SNX22: variants seen among roughly 807,000 people sequenced by gnomAD.
SNX22 encodes sorting nexin-22.
Under a neutral mutation model 24.7 loss-of-function variants are expected in SNX22, and 23 were observed. The ratio of observed to expected loss-of-function variants is 0.93; its 90% CI spans 0.67 to 1.32. The LOEUF (loss-of-function observed/expected upper bound fraction) is 1.32, where lower values mean the gene tolerates loss of function less well. Among genes scored for constraint, SNX22 ranks in the 40% most tolerant of loss-of-function variants. SNX22 has a pLI of 0.00. For missense variants in SNX22, 261 were observed against 249.9 expected (o/e 1.04, Z -0.30); for synonymous variants, 99 against 104.0 (o/e 0.95, Z 0.29).
In SNX22 at chr15:64,157,345, C is replaced by T. The variant is rs1221374728; in HGVS notation, c.*2837C>T. ...CCTGTTTTCCTATGAGCACAAAAGA[C>T]ACAGGCATAGCTGCAGAGGAGAAAG... On this transcript the variant is annotated 3_prime_UTR_variant, in exon 7 of 7. Transcript: ENST00000325881. This position sits in a 1 kb window ranked among gnomAD's most constrained non-coding sequence, Gnocchi z 4.2. The T allele has an allele frequency of 4.9e-6, 1 of 204,622 alleles. No homozygotes were observed. The highest frequency in any genetic ancestry group is 2.3e-5 in the African/African-American group (1 of 43,446). 12.7% of individuals were successfully genotyped at this position (204,622 alleles called of 1,614,324 possible). A position where few individuals can be genotyped will look rare whatever the true frequency, so the allele number is the denominator to read the frequency against.
chr15:64,152,361 C>T (rs1459962444), intron 2 of SNX22, 35 bp downstream of exon 2: 21 of 1,490,768 alleles, frequency 1.4e-5, no homozygotes, highest in Non-Finnish European at 1.9e-5. Flanking sequence ...GGCCCCGGCC[C>T]AGCCTCTGTC....
intron 6 of SNX22, 138 bp from the exon 7 acceptor site, chr15:64,154,249 G>GC: frequency 6.3e-7 from 1 of 1,578,872 alleles, no homozygotes; most frequent in Non-Finnish European, 8.6e-7. Flanking sequence ...CTGGGAATGC[G>GC]GAGGCTTCAT....
rs1555495907 is a variant in SNX22, at chr15:64,155,820, T to TTA, written c.*1312_*1313insTA. On this transcript the variant is annotated 3_prime_UTR_variant, in exon 7 of 7. Coordinates refer to ENST00000325881, the MANE Select transcript of SNX22 (RefSeq NM_024798.3). ...AGAACCAGGCCCACACATTATATAT[T>TTA]AAAAAAAAAAAAACCCACATTTTTT... 752 of 531,556 alleles carry TTA rather than the reference T, an allele frequency of 1.4e-3. No individual in the cohort carries two copies. Among genetic ancestry groups the TTA allele is most frequent in the Middle Eastern group, 2.7e-3 (5 of 1,846 alleles). The allele number at this position is 531,556 out of a possible 1,614,324, so 32.9% of individuals were successfully genotyped here.
intron 3 of SNX22, 149 bp from the exon 4 acceptor site, chr15:64,153,096 G>A: frequency 2.1e-6 from 2 of 938,026 alleles, no homozygotes; most frequent in African/African-American, 1.7e-5. Flanking sequence ...AGCGCCCAGC[G>A]CCCAGAAGGG....
rs1033339346 is a variant in SNX22, at chr15:64,155,816, A to G, written c.*1308A>G. ...CTCAAGAACCAGGCCCACACATTATATATTAAAAAAAAAAAAACCCACATT... is the reference window on the plus strand; with the variant it reads ...CTCAAGAACCAGGCCCACACATTATGTATTAAAAAAAAAAAAACCCACATT... On this transcript the variant is annotated 3_prime_UTR_variant, in exon 7 of 7. Transcript: ENST00000325881. 4.0e-5 allele frequency: 22 copies of G among 544,776 alleles called. No homozygotes were observed. In the African/African-American group the frequency reaches 4.4e-4, roughly 11 times the overall value. The allele number at this position is 544,776 out of a possible 1,614,324, so 33.7% of individuals were successfully genotyped here. A position where few individuals can be genotyped will look rare whatever the true frequency, so the allele number is the denominator to read the frequency against.
In SNX22 at chr15:64,156,944, G is replaced by C; in HGVS notation, c.*2436G>C. 1 of 1,607,654 alleles carries C rather than the reference G, an allele frequency of 6.2e-7. No individual in the cohort carries two copies. The highest frequency in any genetic ancestry group is 2.2e-5 in the East Asian group (1 of 44,806). The stretch of plus-strand genomic sequence containing the variant: ...AAGACAGAGCAGGTCAGGGGCGCTG[G>C]ATTGCGCCAAACCAAGCAGACATTC... On this transcript the variant is annotated 3_prime_UTR_variant, in exon 7 of 7. Transcript: ENST00000325881. This position sits in a 1 kb window ranked among gnomAD's most constrained non-coding sequence, Gnocchi z 6.4.
intron 5 of SNX22, 59 bp downstream of exon 5, chr15:64,153,743 G>C: frequency 6.2e-7 from 1 of 1,612,266 alleles, no homozygotes. Context: ...CCATATGCTA[G>C]GAGGCAGGCC....
At chr15:64,154,096 T>C (rs767800361) in intron 6 of SNX22, 94 bp downstream of exon 6, 1 of 1,612,038 alleles carries the variant, frequency 6.2e-7, no homozygotes, top group East Asian at 2.2e-5. Flanking sequence ...TCCTTCCTGC[T>C]GCCCACCTCT....
Position 64,156,535 on chromosome 15 carries a change from A to C in SNX22, c.*2027A>C, listed in dbSNP as rs899749857. The C allele has an allele frequency of 1.3e-6, 1 of 757,378 alleles. No homozygotes were observed. The highest frequency in any genetic ancestry group is 1.7e-5 in the African/African-American group (1 of 58,226). The allele number at this position is 757,378 out of a possible 1,614,324, so 46.9% of individuals were successfully genotyped here. A position where few individuals can be genotyped will look rare whatever the true frequency, so the allele number is the denominator to read the frequency against. On this transcript the variant is annotated 3_prime_UTR_variant, in exon 7 of 7. Coordinates refer to ENST00000325881, the MANE Select transcript of SNX22 (RefSeq NM_024798.3). This position sits in a 1 kb window ranked among gnomAD's most constrained non-coding sequence, Gnocchi z 6.4. ...GTGCAGCCTTCCTGGCTGGGCTCTGAGGGGGCTGGAAGAATTTAGAACCTT... is the reference window on the plus strand; with the variant it reads ...GTGCAGCCTTCCTGGCTGGGCTCTGCGGGGGCTGGAAGAATTTAGAACCTT...
At chr15:64,152,436 C>T in intron 2 of SNX22, 110 bp downstream of exon 2, 1 of 1,287,590 alleles carries the variant, frequency 7.8e-7, no homozygotes, top group Non-Finnish European at 1.1e-6. Flanking sequence ...CCCATTACTG[C>T]CTCAGTCCCT....
At position 64,156,176 on chromosome 15, in the gene SNX22, T is replaced by C. The variant is rs779934719; in HGVS notation, c.*1668T>C. 1.2e-6 allele frequency: 2 copies of C among 1,613,346 alleles called. No individual in the cohort carries two copies. Among genetic ancestry groups the C allele is most frequent in the African/African-American group, 1.3e-5 (1 of 74,910 alleles). On this transcript the variant is annotated 3_prime_UTR_variant, in exon 7 of 7. Coordinates refer to ENST00000325881, the MANE Select transcript of SNX22 (RefSeq NM_024798.3). This position sits in a 1 kb window ranked among gnomAD's most constrained non-coding sequence, Gnocchi z 6.4. ...AAAGAAAGGTGGAAGCAGGAGGGCATGGTGGATCAGGAGGTCCACCGCTCA... is the reference window on the plus strand; with the variant it reads ...AAAGAAAGGTGGAAGCAGGAGGGCACGGTGGATCAGGAGGTCCACCGCTCA...
chr15:64,154,631 G>C lies in SNX22; in HGVS notation c.*123G>C. ...ACTTAATTACCCAGTGCCCAGTTGTGCCACATTCCCACTCAAGGCTCAGAA... is the reference window on the plus strand; with the variant it reads ...ACTTAATTACCCAGTGCCCAGTTGTCCCACATTCCCACTCAAGGCTCAGAA... On this transcript the variant is annotated 3_prime_UTR_variant, in exon 7 of 7. Coordinates refer to ENST00000325881, the MANE Select transcript of SNX22 (RefSeq NM_024798.3). 7.7e-7 allele frequency: 1 copy of C among 1,291,360 alleles called. No individual in the cohort carries two copies. The highest frequency in any genetic ancestry group is 1.1e-6 in the Non-Finnish European group (1 of 936,848). 80.0% of individuals were successfully genotyped at this position (1,291,360 alleles called of 1,614,324 possible).
rs757054086 is a variant in SNX22 at position 64,156,067 on chromosome 15, C to T, written c.*1559C>T. The T allele has an allele frequency of 4.1e-5, 66 of 1,614,204 alleles. No individual in the cohort carries two copies. In the East Asian group the frequency reaches 1.1e-3, roughly 27 times the overall value. ...AAGGGCTTCTCCACCTCGATCTTGC[C>T]GCAGTCTGCGATGATCACATCCTTC... On this transcript the variant is annotated 3_prime_UTR_variant, in exon 7 of 7. Coordinates refer to ENST00000325881, the MANE Select transcript of SNX22 (RefSeq NM_024798.3). This position sits in a 1 kb window ranked among gnomAD's most constrained non-coding sequence, Gnocchi z 6.4.
rs1354597267 is a variant in SNX22 at position 64,151,867 on chromosome 15, G to A, written c.75+17G>A. The A allele has an allele frequency of 1.3e-6, 2 of 1,526,956 alleles. No individual in the cohort carries two copies. The highest frequency in any genetic ancestry group is 1.8e-6 in the Non-Finnish European group (2 of 1,139,542). The allele number at this position is 1,526,956 out of a possible 1,614,324, so 94.6% of individuals were successfully genotyped here. A position where few individuals can be genotyped will look rare whatever the true frequency, so the allele number is the denominator to read the frequency against. On this transcript the variant is annotated intron_variant, in intron 1 of 6. Coordinates refer to ENST00000325881, the MANE Select transcript of SNX22 (RefSeq NM_024798.3). ...AGCCACATGGTGAGCGCGGCCCCTG[G>A]ATGGGGAGGGGCGCCGGGACCCGCA...
In SNX22 at chr15:64,153,697, C is replaced by A; in HGVS notation, c.392+13C>A. 6.2e-7 allele frequency: 1 copy of A among 1,614,084 alleles called. No homozygotes were observed. The highest frequency in any genetic ancestry group is 2.2e-5 in the East Asian group (1 of 44,882). ...CTGGCGACAGCAGGCAAGTCAAAGC[C>A]CTAGCCCGCGCTTGGCCCCTGCTGC... On this transcript the variant is annotated intron_variant, in intron 5 of 6. Coordinates refer to ENST00000325881, the MANE Select transcript of SNX22 (RefSeq NM_024798.3).
chr15:64,153,796 C>A lies in SNX22; in HGVS notation c.392+112C>A, dbSNP rs917523985. The A allele has an allele frequency of 5.0e-5, 80 of 1,595,004 alleles. 1 individual carries two copies. The African/African-American group carries it at 9.9e-4, about 20-fold the overall frequency. ...TGGCCTGGGCCCTGAAGTCTGTTTT[C>A]CCTTTGGTGCCTCCTGAGCCCATTT... On this transcript the variant is annotated intron_variant, in intron 5 of 6. Transcript: ENST00000325881.
rs1445294133 is a variant in SNX22, at chr15:64,154,507, G to T, written c.581G>T (p.Ter194LeuextTer10). The change falls in exon 7 of 7, where the codon TGA (stop) becomes TTA (leucine). Residue 194 changes from the stop codon to leucine (L), a stop_lost. Transcript: ENST00000325881. ...CHPAPLPPMP* is the reference protein window; with the variant it reads ...CHPAPLPPMPL ...CCTGCTCCTCTGCCACCGATGCCCT[G>T]ATCAGTCCAGAGGCCTTTGGCTGCC... The T allele has an allele frequency of 1.2e-6, 2 of 1,614,128 alleles. No homozygotes were observed. Among genetic ancestry groups the T allele is most frequent in the Non-Finnish European group, 1.7e-6 (2 of 1,180,020 alleles).
Position 64,151,843 on chromosome 15 carries a change from G to A in SNX22, c.68G>A (p.Ser23Asn), listed in dbSNP as rs776439875. The change falls in exon 1 of 7, where the codon AGC (serine) becomes AAC (asparagine). Residue 23 changes from serine (S) to asparagine (N), a missense_variant. By Grantham distance (46) the Ser-to-Asn change is conservative. Transcript: ENST00000325881. ...AEGPRQSPEKSHMVFRVEVLC... is the reference protein window; with the variant it reads ...AEGPRQSPEKNHMVFRVEVLC... ...GGGCCCAGGCAGAGCCCGGAGAAAA[G>A]CCACATGGTGAGCGCGGCCCCTGGA... 6.5e-7 allele frequency: 1 copy of A among 1,536,560 alleles called. No homozygotes were observed. Among genetic ancestry groups the A allele is most frequent in the Non-Finnish European group, 8.7e-7 (1 of 1,143,538 alleles).
At chr15:64,153,740 C>T in intron 5 of SNX22, 56 bp downstream of exon 5, 12 of 1,612,650 alleles carry the variant, frequency 7.4e-6, no homozygotes, top group Non-Finnish European at 1.0e-5. Context: ...TGGCCATATG[C>T]TAGGAGGCAG....
Sources: allele counts gnomAD v4.1 joint callset, GRCh38; gene constraint gnomAD v4.1.1; non-coding constraint Gnocchi (gnomAD v3.1); transcripts MANE v1.5; gene names NCBI Gene and HGNC (gene_info 2026-07-23, HGNC 2026-07-21).